The following RNASEH2A variants were observed in gnomAD, a reference collection of about 807,000 sequenced individuals.
RNASEH2A encodes the protein RNase H(35).
RNASEH2A carries 30 observed loss-of-function variants against 32.7 expected under a neutral mutation model. The observed-to-expected ratio is 0.92, with a 90% CI of 0.69 to 1.25. The LOEUF (loss-of-function observed/expected upper bound fraction) is 1.25. Ranked by LOEUF, RNASEH2A falls within the 50% of genes most tolerant of loss-of-function variation. RNASEH2A has a pLI of 0.00. For missense variants in RNASEH2A, 409 were observed against 398.1 expected (o/e 1.03, Z -0.23); for synonymous variants, 147 against 165.4 (o/e 0.89, Z 0.86).
chr19:12,807,572 C>A, intron 4 of RNASEH2A, 66 bp downstream of exon 4: 1 of 1,313,280 alleles, frequency 7.6e-7, no homozygotes, highest in South Asian at 1.2e-5. Context: ...AACAGGAGTT[C>A]GAGACTGCAG....
At position 12,810,191 on chromosome 19, in the gene RNASEH2A, G is replaced by A; in HGVS notation, c.532G>A (p.Ala178Thr). ...TGCCCTCTACCCGGTGGTTAGTGCT[G>A]CCAGCATCTGTGCCAAGGTCAGTAC... The part of the protein sequence containing the change: ...ADALYPVVSA[A>T]SICAKVARDQ... Residue 178 changes from alanine (A) to threonine (T), a missense_variant, in exon 5 of 8, where the codon GCC (alanine) becomes ACC (threonine). Transcript: ENST00000221486. 2 of 1,614,198 alleles carry A rather than the reference G, an allele frequency of 1.2e-6. No individual in the cohort carries two copies. The highest frequency in any genetic ancestry group is 1.1e-5 in the South Asian group (1 of 91,082).
chr19:12,813,399 A>C lies in RNASEH2A; in HGVS notation c.833A>C (p.Gln278Pro), dbSNP rs375101809. 1.2e-6 allele frequency: 2 copies of C among 1,614,048 alleles called. No individual in the cohort carries two copies. Among genetic ancestry groups the C allele is most frequent in the Admixed American group, 3.3e-5 (2 of 59,992 alleles). The change falls in exon 8 of 8, where the codon CAA (glutamine) becomes CCA (proline). Residue 278 changes from glutamine to proline, a missense_variant. Gln to Pro is a moderately conservative substitution (Grantham distance 76, BLOSUM62 -1). Transcript: ENST00000221486. Reference protein sequence around the residue: ...ITSYFLNEGSQARPRSSHRYF... With the variant: ...ITSYFLNEGSPARPRSSHRYF... ...TCCTACTTCCTCAATGAAGGGTCCCAAGCCCGTCCCCGTTCTTCCCACCGA... is the reference window on the plus strand; with the variant it reads ...TCCTACTTCCTCAATGAAGGGTCCCCAGCCCGTCCCCGTTCTTCCCACCGA...
At position 12,806,805 on chromosome 19, in the gene RNASEH2A, G is replaced by GC. The variant is rs1968998348; in HGVS notation, c.127+9dup. 1 of 1,582,380 alleles carries GC rather than the reference G, an allele frequency of 6.3e-7. No homozygotes were observed. The highest frequency in any genetic ancestry group is 1.9e-5 in the Admixed American group (1 of 53,984). ...CGGGCAGGGGCCCCGTGCTGGGTGC[G>GC]CCCCTAGGGCCAGGGAGGGGAGGGG... On this transcript the variant is annotated splice_donor_region_variant and intron_variant, in intron 1 of 7. Coordinates refer to ENST00000221486, the MANE Select transcript of RNASEH2A (RefSeq NM_006397.3).
At chr19:12,806,876 C>T (rs956385997) in intron 1 of RNASEH2A, 76 bp downstream of exon 1, 11 of 1,595,660 alleles carry the variant, frequency 6.9e-6, no homozygotes, top group Non-Finnish European at 8.5e-6. Context: ...TTGCACTGCA[C>T]CAAGGGAGGG....
In RNASEH2A at chr19:12,813,190, G is replaced by T. The variant is rs1179091197; in HGVS notation, c.745G>T (p.Ala249Ser). The stretch of plus-strand genomic sequence containing the variant: ...GGCCCAGACCATCCTGGAGAAAGAG[G>T]CGGAAGATGTTATATGGTGGGTGTC... Reference protein sequence around the residue: ...RTAQTILEKEAEDVIWEDSAS... With the variant: ...RTAQTILEKESEDVIWEDSAS... The change falls in exon 7 of 8, where the codon GCG becomes TCG. Residue 249 changes from alanine to serine, a missense_variant. By Grantham distance (99) the Ala-to-Ser change is moderately conservative (BLOSUM62 1). Coordinates refer to ENST00000221486, the MANE Select transcript of RNASEH2A (RefSeq NM_006397.3). 2 of 1,614,040 alleles carry T rather than the reference G, an allele frequency of 1.2e-6. No homozygotes were observed. Among genetic ancestry groups the T allele is most frequent in the East Asian group, 2.2e-5 (1 of 44,882 alleles).
chr19:12,809,752 G>A (rs1191759886), intron 4 of RNASEH2A, among the ~76,000 whole-genome samples: 1 of 151,716 alleles, frequency 6.6e-6, no homozygotes, highest in Non-Finnish European at 1.5e-5. Flanking sequence ...CTCTTCAGGA[G>A]GTGAGTTTTT....
Position 12,807,027 on chromosome 19 carries a change from C to T in RNASEH2A, c.147C>T (p.Ile49=). 6.2e-7 allele frequency: 1 copy of T among 1,614,092 alleles called. No homozygotes were observed. The highest frequency in any genetic ancestry group is 1.3e-5 in the African/African-American group (1 of 75,052). ...GPVLGPMVYA[I]CYCPLPRLAD... ...CCCCAGGCCCCATGGTCTACGCCAT[C>T]TGTTATTGTCCCCTGCCTCGCCTGG... Residue 49 remains isoleucine, a synonymous_variant, in exon 2 of 8, where the codon ATC becomes ATT. Coordinates refer to ENST00000221486, the MANE Select transcript of RNASEH2A (RefSeq NM_006397.3).
intron 4 of RNASEH2A, among the ~76,000 whole-genome samples, chr19:12,809,100 C>T (rs567169833): frequency 2.0e-5 from 3 of 146,768 alleles, no homozygotes; most frequent in Non-Finnish European, 3.0e-5. Context: ...GGAGGTTGGG[C>T]GCAGTAGCTC....
At chr19:12,811,592 T>A (rs1408978114) in intron 6 of RNASEH2A, among the ~76,000 whole-genome samples, 2 of 150,592 alleles carry the variant, frequency 1.3e-5, no homozygotes, top group Non-Finnish European at 2.9e-5. Context: ...CACTCCAGCC[T>A]TGGTGACAAG....
intron 4 of RNASEH2A, chr19:12,808,087 C>T (rs946932460): frequency 3.7e-5 from 6 of 163,588 alleles, no homozygotes; most frequent in Admixed American, 2.9e-4. Flanking sequence ...CTCATCTCTA[C>T]TGAAAATACA....
rs139327109 is a variant in RNASEH2A, at chr19:12,807,180, C to G, written c.200-26C>G. 12 of 1,614,076 alleles carry G rather than the reference C, an allele frequency of 7.4e-6. No individual in the cohort carries two copies. The East Asian group carries it at 2.7e-4, about 36-fold the overall frequency. The stretch of plus-strand genomic sequence containing the variant: ...CAGGAACTGGGAGAACCAGCTGTTC[C>G]CCTTCTCTTCCAAACCTCCTCCCAG... On this transcript the variant is annotated intron_variant, in intron 2 of 7. Coordinates refer to ENST00000221486, the MANE Select transcript of RNASEH2A (RefSeq NM_006397.3).
Position 12,806,809 on chromosome 19 carries a change from C to G in RNASEH2A, c.127+9C>G. The G allele has an allele frequency of 6.3e-7, 1 of 1,585,010 alleles. No individual in the cohort carries two copies. Among genetic ancestry groups the G allele is most frequent in the Non-Finnish European group, 8.6e-7 (1 of 1,166,216 alleles). ...CAGGGGCCCCGTGCTGGGTGCGCCC[C>G]TAGGGCCAGGGAGGGGAGGGGCGTG... is the stretch of plus-strand genomic sequence containing the variant. On this transcript the variant is annotated intron_variant, in intron 1 of 7. Coordinates refer to ENST00000221486, the MANE Select transcript of RNASEH2A (RefSeq NM_006397.3).
At chr19:12,809,301 G>A (rs1969039534) in intron 4 of RNASEH2A, among the ~76,000 whole-genome samples, 1 of 152,212 alleles carries the variant, frequency 6.6e-6, no homozygotes. Context: ...GTGCTGTGGA[G>A]ATACCACTTT....
At chr19:12,812,817 C>T (rs1011255898) in intron 6 of RNASEH2A, among the ~76,000 whole-genome samples, 5 of 151,910 alleles carry the variant, frequency 3.3e-5, no homozygotes, top group Non-Finnish European at 7.4e-5. Context: ...CCATCCTGGC[C>T]AACATGGTGA....
chr19:12,812,349 T>C (rs935532216), intron 6 of RNASEH2A, among the ~76,000 whole-genome samples: 1 of 151,558 alleles, frequency 6.6e-6, no homozygotes, highest in Non-Finnish European at 1.5e-5. Context: ...CTGTCCAATA[T>C]GGTGAAACCC....
At position 12,810,224 on chromosome 19, in the gene RNASEH2A, G is replaced by T; in HGVS notation, c.549+16G>T. ...CTGTGCCAAGGTCAGTACCCTACTA[G>T]CCATGGCTGGCTTCCACCATCCCAC... is the stretch of plus-strand genomic sequence containing the variant. On this transcript the variant is annotated intron_variant, in intron 5 of 7. Transcript: ENST00000221486. The T allele has an allele frequency of 6.2e-7, 1 of 1,614,194 alleles. No homozygotes were observed. The highest frequency in any genetic ancestry group is 8.5e-7 in the Non-Finnish European group (1 of 1,180,030).
Position 12,813,087 on chromosome 19 carries a change from CAAGACAA to C in RNASEH2A, c.646_652del (p.Thr216ArgfsTer3), listed in dbSNP as rs1447802158. On this transcript the variant is annotated frameshift_variant, in exon 7 of 8. Coordinates refer to ENST00000221486, the MANE Select transcript of RNASEH2A (RefSeq NM_006397.3). LOFTEE classifies it high-confidence loss of function. The stretch of plus-strand genomic sequence containing the variant: ...CCATTGCCCACCCTACCCCAGATCC[CAAGACAA>C]AAGCGTGGTTGAAGGAGCACGTGGA... 1 of 1,614,008 alleles carries C rather than the reference CAAGACAA, an allele frequency of 6.2e-7. No homozygotes were observed. The highest frequency in any genetic ancestry group is 8.5e-7 in the Non-Finnish European group (1 of 1,180,042).
At chr19:12,812,002 C>T (rs1030974676) in intron 6 of RNASEH2A, among the ~76,000 whole-genome samples, 1 of 151,836 alleles carries the variant, frequency 6.6e-6, no homozygotes, top group African/African-American at 2.4e-5. Flanking sequence ...TTTTAAGAGA[C>T]AGAGGCAGGT....
chr19:12,813,050 C>T (rs1302802485), intron 6 of RNASEH2A, 33 bp from the exon 7 acceptor site: 2 of 1,613,270 alleles, frequency 1.2e-6, no homozygotes, highest in East Asian at 4.5e-5. Context: ...TATGGTGCAA[C>T]TTGGACTGTC....
Sources: allele counts gnomAD v4.1 joint callset (sites outside exome capture counted in the v4.1 genomes callset), GRCh38; gene constraint gnomAD v4.1.1; transcripts MANE v1.5; gene names NCBI Gene and HGNC (gene_info 2026-07-23, HGNC 2026-07-21).